Variants in MGAT5 observed in about 807,000 individuals in gnomAD.
MGAT5 encodes the protein alpha-1,6-mannosylglycoprotein 6-beta-N-acetylglucosaminyltransferase A.
Under a neutral mutation model 94.3 loss-of-function variants are expected in MGAT5, and 30 were observed. That is an observed-to-expected ratio of 0.32 (90% CI 0.24 to 0.43). MGAT5 has a LOEUF of 0.43. MGAT5 is among the 20% of genes least tolerant of loss of function. MGAT5 has a pLI of 1.00. For missense variants in MGAT5, 691 were observed against 905.5 expected, an observed-to-expected ratio of 0.76 and a Z score of 3.04; for synonymous variants, 310 against 322.9, an observed-to-expected ratio of 0.96 and a Z score of 0.43.
chr2:134,170,387 T>C (rs1473560018), intron 1 of MGAT5, among the ~76,000 whole-genome samples: 6 of 152,240 alleles, frequency 3.9e-5, no homozygotes, highest in Non-Finnish European at 5.9e-5. Context: ...AAACATTTAT[T>C]GAGCCCAGAC....
At chr2:134,422,481 T>A (rs1251451824) in intron 12 of MGAT5, among the ~76,000 whole-genome samples, 2 of 152,180 alleles carry the variant, frequency 1.3e-5, no homozygotes, top group Admixed American at 1.3e-4. Flanking sequence ...TTTGATCTAG[T>A]AATAGGTGAT....
At chr2:134,384,285 C>G (rs112140967) in intron 10 of MGAT5, among the ~76,000 whole-genome samples, 14 of 151,396 alleles carry the variant, frequency 9.2e-5, no homozygotes, top group African/African-American at 3.4e-4. Context: ...CTTTTTCTCT[C>G]TCTCTCTCCG....
chr2:134,191,079 C>T (rs914647285), intron 1 of MGAT5, among the ~76,000 whole-genome samples: 3 of 152,244 alleles, frequency 2.0e-5, no homozygotes, highest in African/African-American at 4.8e-5. Flanking sequence ...GTGTCCCTCC[C>T]CGCCAGTCCC....
chr2:134,279,836 C>A (rs1684587992), intron 2 of MGAT5, among the ~76,000 whole-genome samples: 1 of 152,226 alleles, frequency 6.6e-6, no homozygotes, highest in Non-Finnish European at 1.5e-5. Flanking sequence ...TACAGCATAG[C>A]ATATGCTTCC....
At chr2:134,179,075 G>A (rs1428562251) in intron 1 of MGAT5, among the ~76,000 whole-genome samples, 1 of 152,190 alleles carries the variant, frequency 6.6e-6, no homozygotes, top group Non-Finnish European at 1.5e-5. Context: ...TGGTGTCCAT[G>A]TTCCCAGCTG....
chr2:134,418,927 G>T (rs1684124708), intron 12 of MGAT5, among the ~76,000 whole-genome samples: 2 of 152,184 alleles, frequency 1.3e-5, no homozygotes, highest in Admixed American at 1.3e-4. Flanking sequence ...ACCCTGTCCT[G>T]CTCTGCCAGC....
chr2:134,131,154 C>A (rs549891517), intron 1 of MGAT5, among the ~76,000 whole-genome samples: 1 of 152,192 alleles, frequency 6.6e-6, no homozygotes, highest in African/African-American at 2.4e-5. Context: ...CTGAGGCCAG[C>A]GAGCTCACAA....
At chr2:134,431,674 C>A (rs1684883501) in intron 14 of MGAT5, among the ~76,000 whole-genome samples, 1 of 152,292 alleles carries the variant, frequency 6.6e-6, no homozygotes, top group Non-Finnish European at 1.5e-5. Context: ...CCTAATTAGG[C>A]CAATATCTGC....
chr2:134,131,845 C>A (rs192672907), intron 1 of MGAT5, among the ~76,000 whole-genome samples: 1 of 152,128 alleles, frequency 6.6e-6, no homozygotes, highest in Non-Finnish European at 1.5e-5. Context: ...CTTCAGACCC[C>A]GCCACCTCCA....
chr2:134,371,603 G>C (rs534711809), intron 10 of MGAT5, among the ~76,000 whole-genome samples: 1 of 152,278 alleles, frequency 6.6e-6, no homozygotes, highest in South Asian at 2.1e-4. Flanking sequence ...TTGGATTGGG[G>C]CTTGAGGTGG....
At chr2:134,151,180 C>T (rs1013529037) in intron 1 of MGAT5, among the ~76,000 whole-genome samples, 10 of 150,604 alleles carry the variant, frequency 6.6e-5, no homozygotes, top group Non-Finnish European at 1.2e-4. Context: ...CCACTCACTG[C>T]CATGGGACCT....
intron 1 of MGAT5, among the ~76,000 whole-genome samples, chr2:134,235,121 G>T (rs1399515818): frequency 6.6e-6 from 1 of 152,108 alleles, no homozygotes; most frequent in East Asian, 1.9e-4. Flanking sequence ...GTTGTCTGGT[G>T]GTTAGAGCTG....
chr2:134,342,669 G>A (rs953999197), intron 7 of MGAT5, among the ~76,000 whole-genome samples: 2 of 149,242 alleles, frequency 1.3e-5, no homozygotes, highest in Non-Finnish European at 3.0e-5. Context: ...GCAGTGAGCC[G>A]AGATCATGCC....
intron 1 of MGAT5, among the ~76,000 whole-genome samples, chr2:134,247,042 A>G (rs1413398994): frequency 1.3e-5 from 2 of 152,214 alleles, no homozygotes; most frequent in Non-Finnish European, 2.9e-5. Flanking sequence ...TGATTTCTGC[A>G]CTGTGTTTTG....
intron 1 of MGAT5, among the ~76,000 whole-genome samples, chr2:134,193,328 G>A (rs1679326071): frequency 6.6e-6 from 1 of 152,042 alleles, no homozygotes; most frequent in South Asian, 2.1e-4. Flanking sequence ...TGTTGCATGG[G>A]CTCATCTTAA....
chr2:134,148,462 T>C (rs1362757308), intron 1 of MGAT5, among the ~76,000 whole-genome samples: 3 of 152,230 alleles, frequency 2.0e-5, no homozygotes, highest in Admixed American at 2.0e-4. Flanking sequence ...AAACTAACCT[T>C]CTTCCCTCTC....
chr2:134,428,772 G>A (rs1280216355), intron 14 of MGAT5, among the ~76,000 whole-genome samples: 1 of 152,210 alleles, frequency 6.6e-6, no homozygotes, highest in Admixed American at 6.5e-5. Context: ...GGCAAGAATT[G>A]AAACCAGCTT....
intron 1 of MGAT5, among the ~76,000 whole-genome samples, chr2:134,257,508 C>T (rs1380473862): frequency 3.3e-5 from 5 of 152,214 alleles, no homozygotes; most frequent in Non-Finnish European, 5.9e-5. Context: ...AGGTGTGAGC[C>T]GCTGTGCCTG....
intron 11 of MGAT5, 24 bp from the exon 12 acceptor site, chr2:134,412,845 G>A (rs202074947): frequency 1.3e-5 from 21 of 1,613,674 alleles, no homozygotes; most frequent in African/African-American, 9.3e-5. Flanking sequence ...GTGTTCATAC[G>A]CTGTGTGGTT....
Sources: allele counts gnomAD v4.1 joint callset (sites outside exome capture counted in the v4.1 genomes callset), GRCh38; gene constraint gnomAD v4.1.1; transcripts MANE v1.5; gene names NCBI Gene and HGNC (gene_info 2026-07-23, HGNC 2026-07-21).